The following AAK1 variants were observed in gnomAD, a reference collection of about 807,000 sequenced individuals.
AAK1 encodes the protein AP2 associated kinase 1.
A neutral mutation model predicts 116.0 loss-of-function variants in AAK1; 37 were observed. The ratio of observed to expected loss-of-function variants is 0.32; its 90% CI spans 0.25 to 0.42. The LOEUF is 0.42. Ranked by LOEUF, AAK1 falls within the 10% of genes least tolerant of loss-of-function variation. The pLI, the probability that AAK1 is intolerant of heterozygous loss-of-function variation, is 1.00. For synonymous variants in AAK1, 458 were observed against 439.9 expected (o/e 1.04, Z -0.51); for missense variants, 919 against 1,170.6 (o/e 0.79, Z 3.14).
intron 5 of AAK1, among the ~76,000 whole-genome samples, chr2:69,539,029 C>T (rs147833352): frequency 1.1e-4 from 17 of 152,336 alleles, no homozygotes; most frequent in African/African-American, 3.4e-4. Flanking sequence ...CAGGGATGTG[C>T]GCCTAGAGAT....
At chr2:69,559,269 C>A (rs960207268) in intron 2 of AAK1, among the ~76,000 whole-genome samples, 10 of 116,614 alleles carry the variant, frequency 8.6e-5, no homozygotes, top group African/African-American at 3.6e-4. Flanking sequence ...CTCTCACACA[C>A]ACACACACAC....
intron 6 of AAK1, 141 bp downstream of exon 6, chr2:69,531,900 A>G: frequency 7.2e-7 from 1 of 1,398,264 alleles, no homozygotes; most frequent in South Asian, 1.3e-5. Flanking sequence ...CAAACAACCC[A>G]ACTGTAAACA....
chr2:69,531,944 C>A, intron 6 of AAK1, 97 bp downstream of exon 6: 3 of 1,532,546 alleles, frequency 2.0e-6, no homozygotes, highest in South Asian at 2.3e-5. Flanking sequence ...CTGACTATCA[C>A]CATTCTCTCC....
Position 69,464,107 on chromosome 2 carries a change from CT to C in AAK1, c.*11761del, listed in dbSNP as rs1674412347. 6.6e-6 allele frequency: 1 copy of C among 152,556 alleles called. No individual in the cohort carries two copies. Among genetic ancestry groups the C allele is most frequent in the Non-Finnish European group, 1.5e-5 (1 of 68,040 alleles). 9.5% of individuals were successfully genotyped at this position (152,556 alleles called of 1,614,324 possible). On this transcript the variant is annotated 3_prime_UTR_variant, in exon 22 of 22. Coordinates refer to ENST00000409085, the MANE Select transcript of AAK1 (RefSeq NM_014911.5). ...ATAGAGAATGTAAAAGTTTTCATGCCTACCTGATTCAGCTCTTTTCCATTCT... is the reference window on the plus strand; with the variant it reads ...ATAGAGAATGTAAAAGTTTTCATGCCACCTGATTCAGCTCTTTTCCATTCT...
chr2:69,471,482 G>C lies in AAK1; in HGVS notation c.*4387C>G. On this transcript the variant is annotated 3_prime_UTR_variant, in exon 22 of 22. Coordinates refer to ENST00000409085, the MANE Select transcript of AAK1 (RefSeq NM_014911.5). Reference sequence around the variant, plus strand: ...TAAAGATAGCTTTGCAGTATCTGGAGTGTTTCAGGAAAGCTTCCATTCTAA... The same window carrying C: ...TAAAGATAGCTTTGCAGTATCTGGACTGTTTCAGGAAAGCTTCCATTCTAA... 1.0e-6 allele frequency: 1 copy of C among 985,430 alleles called. No homozygotes were observed. Among genetic ancestry groups the C allele is most frequent in the Non-Finnish European group, 1.2e-6 (1 of 829,920 alleles). 61.0% of individuals were successfully genotyped at this position (985,430 alleles called of 1,614,324 possible). A position where few individuals can be genotyped will look rare whatever the true frequency, so the allele number is the denominator to read the frequency against.
At chr2:69,625,583 A>G (rs926278608) in intron 2 of AAK1, among the ~76,000 whole-genome samples, 1 of 152,234 alleles carries the variant, frequency 6.6e-6, no homozygotes, top group African/African-American at 2.4e-5. Flanking sequence ...GCAATGTGTC[A>G]GAGTACAGTA....
chr2:69,607,668 G>C (rs1047528521), intron 2 of AAK1, among the ~76,000 whole-genome samples: 113 of 152,216 alleles, frequency 7.4e-4, no homozygotes, highest in Non-Finnish European at 2.8e-4. Flanking sequence ...TTCTAACTCA[G>C]TAATTTTTTA....
rs1674476909 is a variant in AAK1 at position 69,466,124 on chromosome 2, A to G, written c.*9745T>C. On this transcript the variant is annotated 3_prime_UTR_variant, in exon 22 of 22. Transcript: ENST00000409085. ...TCCTGAAGGGAGCTATGGCAAAAAC[A>G]TCTGGCTCACTGAGCCCATCAGTGG... 7.7e-7 allele frequency: 1 copy of G among 1,290,678 alleles called. No individual in the cohort carries two copies. The highest frequency in any genetic ancestry group is 1.0e-6 in the Non-Finnish European group (1 of 988,876). 80.0% of individuals were successfully genotyped at this position (1,290,678 alleles called of 1,614,324 possible).
intron 2 of AAK1, among the ~76,000 whole-genome samples, chr2:69,586,112 G>T (rs138826994): frequency 3.2e-4 from 49 of 152,286 alleles, no homozygotes; most frequent in African/African-American, 1.1e-3. Flanking sequence ...GGAGGATTAT[G>T]AACTCATTAA....
In AAK1 at chr2:69,464,262, T is replaced by G. The variant is rs1047354642; in HGVS notation, c.*11607A>C. The G allele has an allele frequency of 1.3e-5, 2 of 152,180 alleles. No homozygotes were observed. The highest frequency in any genetic ancestry group is 2.4e-5 in the African/African-American group (1 of 41,450). The allele number at this position is 152,180 out of a possible 1,614,324, so 9.4% of individuals were successfully genotyped here. A position where few individuals can be genotyped will look rare whatever the true frequency, so the allele number is the denominator to read the frequency against. Reference sequence around the variant, plus strand: ...AAACAAGCAAGCCTAGTTTGTAGCCTAGTCTCATGATTAATGAATTCCCTA... The same window carrying G: ...AAACAAGCAAGCCTAGTTTGTAGCCGAGTCTCATGATTAATGAATTCCCTA... On this transcript the variant is annotated 3_prime_UTR_variant, in exon 22 of 22. Coordinates refer to ENST00000409085, the MANE Select transcript of AAK1 (RefSeq NM_014911.5).
chr2:69,492,561 C>G (rs577714672), intron 17 of AAK1, among the ~76,000 whole-genome samples: 1 of 120,944 alleles, frequency 8.3e-6, no homozygotes, highest in Non-Finnish European at 1.6e-5. Flanking sequence ...CTTGCTCTGT[C>G]GCCCAGGATA....
intron 2 of AAK1, among the ~76,000 whole-genome samples, chr2:69,574,377 CAAAAAAAAAAAA>C (rs58486434): frequency 8.0e-5 from 6 of 74,896 alleles, no homozygotes; most frequent in Non-Finnish European, 1.3e-4. Context: ...GACTCCCTCT[CAAAAAAAAAAAA>C]AAAAAAAAAA....
At chr2:69,559,818 T>C (rs1671554871) in intron 2 of AAK1, among the ~76,000 whole-genome samples, 1 of 152,236 alleles carries the variant, frequency 6.6e-6, no homozygotes, top group Non-Finnish European at 1.5e-5. Context: ...CAATGATGCC[T>C]GTCACTGCTG....
chr2:69,513,613 T>C (rs1676475054), intron 13 of AAK1, among the ~76,000 whole-genome samples: 1 of 152,196 alleles, frequency 6.6e-6, no homozygotes, highest in Non-Finnish European at 1.5e-5. Context: ...GTGAGGCCAC[T>C]GTGCCCAGCA....
At chr2:69,538,854 C>T (rs981212842) in intron 5 of AAK1, among the ~76,000 whole-genome samples, 1 of 152,112 alleles carries the variant, frequency 6.6e-6, no homozygotes, top group Admixed American at 6.5e-5. Flanking sequence ...TGCACTACAG[C>T]CTGGGCAAGA....
intron 4 of AAK1, among the ~76,000 whole-genome samples, chr2:69,543,028 T>A (rs578005008): frequency 6.6e-6 from 1 of 152,338 alleles, no homozygotes; most frequent in South Asian, 2.1e-4. Flanking sequence ...ACTTGCCATA[T>A]CTTTTAGTAA....
At position 69,462,185 on chromosome 2, in the gene AAK1, A is replaced by G. The variant is rs1256305429; in HGVS notation, c.*13684T>C. On this transcript the variant is annotated 3_prime_UTR_variant, in exon 22 of 22. Transcript: ENST00000409085. ...TTGAACAAAGAGAACACATGGACACAGTAAGGGGAACATCACACTCTGGGG... is the reference window on the plus strand; with the variant it reads ...TTGAACAAAGAGAACACATGGACACGGTAAGGGGAACATCACACTCTGGGG... The G allele has an allele frequency of 8.0e-6, 1 of 124,244 alleles. No homozygotes were observed. Among genetic ancestry groups the G allele is most frequent in the Non-Finnish European group, 1.6e-5 (1 of 63,522 alleles). The allele number at this position is 124,244 out of a possible 1,614,324, so 7.7% of individuals were successfully genotyped here.
intron 3 of AAK1, among the ~76,000 whole-genome samples, chr2:69,554,720 G>C (rs756283253): frequency 2.6e-5 from 4 of 152,238 alleles, no homozygotes; most frequent in Non-Finnish European, 5.9e-5. Flanking sequence ...CACCTAAAGA[G>C]GTTGCCGCTG....
At chr2:69,538,122 C>T (rs907151087) in intron 5 of AAK1, among the ~76,000 whole-genome samples, 13 of 152,258 alleles carry the variant, frequency 8.5e-5, no homozygotes, top group African/African-American at 3.1e-4. Context: ...TATTCTCCAC[C>T]TACAGATGGT....
Sources: allele counts gnomAD v4.1 joint callset (sites outside exome capture counted in the v4.1 genomes callset), GRCh38; gene constraint gnomAD v4.1.1; transcripts MANE v1.5; gene names NCBI Gene and HGNC (gene_info 2026-07-23, HGNC 2026-07-21).